Variants in CREB5 observed in about 807,000 individuals in gnomAD.
CREB5 encodes the protein cAMP responsive element binding protein 5.
In CREB5, 19 loss-of-function variants were observed where a neutral mutation model predicts 57.1. That is an observed-to-expected ratio of 0.33 (90% CI 0.23 to 0.49). The LOEUF (loss-of-function observed/expected upper bound fraction) is 0.49. Ranked by LOEUF, CREB5 falls within the 20% of genes least tolerant of loss-of-function variation. The probability of loss-of-function intolerance (pLI) is 0.99; values close to 1 mark genes in which losing one functional copy is unlikely to be tolerated. For missense variants in CREB5, 579 were observed against 671.6 expected, an observed-to-expected ratio of 0.86 and a Z score of 1.52; for synonymous variants, 238 against 238.3, an observed-to-expected ratio of 1.00 and a Z score of 0.01.
intron 1 of CREB5, among the ~76,000 whole-genome samples, chr7:28,311,780 C>G (rs1583662468): frequency 6.6e-6 from 1 of 152,284 alleles, no homozygotes; most frequent in East Asian, 1.9e-4. Context: ...CATTGAAGAC[C>G]CTGACTAAAC....
At chr7:28,792,571 T>C (rs1486524468) in intron 7 of CREB5, among the ~76,000 whole-genome samples, 2 of 152,216 alleles carry the variant, frequency 1.3e-5, no homozygotes, top group African/African-American at 2.4e-5. Flanking sequence ...TAAGCGTAAC[T>C]TTCTAGACAC....
chr7:28,731,761 CA>C (rs1161649107), intron 7 of CREB5, among the ~76,000 whole-genome samples: 1 of 152,188 alleles, frequency 6.6e-6, no homozygotes, highest in African/African-American at 2.4e-5. Context: ...GCGAAGTACA[CA>C]GGGGTGAAAG....
chr7:28,730,655 G>A (rs937778956), intron 7 of CREB5, among the ~76,000 whole-genome samples: 1 of 152,112 alleles, frequency 6.6e-6, no homozygotes, highest in Non-Finnish European at 1.5e-5. Flanking sequence ...TATCCTGTGA[G>A]TTTACATTAG....
chr7:28,488,135 G>T (rs781681194), intron 1 of CREB5, 40 bp from the exon 2 acceptor site: 8 of 1,584,296 alleles, frequency 5.0e-6, no homozygotes, highest in African/African-American at 1.3e-5. Flanking sequence ...GATATTCATG[G>T]ATTTCTTTTT....
intron 1 of CREB5, among the ~76,000 whole-genome samples, chr7:28,437,823 A>T (rs1789020911): frequency 6.6e-6 from 1 of 152,172 alleles, no homozygotes; most frequent in South Asian, 2.1e-4. Flanking sequence ...CACTTGAAGG[A>T]TTAACATTTT....
At chr7:28,400,701 G>A (rs10233653) in intron 1 of CREB5, among the ~76,000 whole-genome samples, 46,507 of 152,028 alleles carry the variant, frequency 0.31, 8,056 homozygotes, top group Middle Eastern at 0.42. Context: ...ATGTAAGAAC[G>A]AGGAGGAATC....
intron 4 of CREB5, among the ~76,000 whole-genome samples, chr7:28,567,544 G>A (rs1005498049): frequency 5.9e-5 from 9 of 152,332 alleles, no homozygotes; most frequent in Admixed American, 3.9e-4. Flanking sequence ...TGGGCTTACC[G>A]TCTAGGGGAG....
At chr7:28,737,540 TATATA>T (rs2128754591) in intron 7 of CREB5, among the ~76,000 whole-genome samples, 1 of 4,398 alleles carries the variant, frequency 2.3e-4, no homozygotes, top group South Asian at 6.6e-3. Flanking sequence ...TATATATACG[TATATA>T]TATATATATA....
chr7:28,358,374 G>A (rs1302142708), intron 1 of CREB5, among the ~76,000 whole-genome samples: 2 of 152,210 alleles, frequency 1.3e-5, no homozygotes, highest in Non-Finnish European at 1.5e-5. Flanking sequence ...GGCAGCTGCT[G>A]TGTCTCTGGG....
chr7:28,683,658 T>A (rs1435057761), intron 5 of CREB5, among the ~76,000 whole-genome samples: 1 of 152,168 alleles, frequency 6.6e-6, no homozygotes, highest in Non-Finnish European at 1.5e-5. Flanking sequence ...GCAGAAGCAA[T>A]GATGCTGGCG....
At chr7:28,605,168 T>C (rs1797083022) in intron 5 of CREB5, among the ~76,000 whole-genome samples, 1 of 152,220 alleles carries the variant, frequency 6.6e-6, no homozygotes, top group Non-Finnish European at 1.5e-5. Context: ...ACCATGTCTA[T>C]AAAGAACTGG....
intron 5 of CREB5, among the ~76,000 whole-genome samples, chr7:28,680,749 A>G (rs954247668): frequency 6.8e-6 from 1 of 147,062 alleles, no homozygotes; most frequent in Admixed American, 6.9e-5. Context: ...ACAGAACAAG[A>G]CACTGTATCA....
intron 3 of CREB5, among the ~76,000 whole-genome samples, chr7:28,502,165 T>G (rs1272403198): frequency 1.3e-5 from 2 of 152,196 alleles, no homozygotes; most frequent in Non-Finnish European, 2.9e-5. Context: ...TCCTATTATA[T>G]ATTCACACTC....
chr7:28,319,268 G>C (rs1040487760), intron 1 of CREB5, among the ~76,000 whole-genome samples: 1 of 151,764 alleles, frequency 6.6e-6, no homozygotes, highest in Non-Finnish European at 1.5e-5. Context: ...CACTAGTAAG[G>C]GCAAAAAGGG....
chr7:28,796,442 C>A (rs1302184257), intron 7 of CREB5, among the ~76,000 whole-genome samples: 1 of 152,108 alleles, frequency 6.6e-6, no homozygotes, highest in Admixed American at 6.5e-5. Flanking sequence ...TCACCCCTAC[C>A]CACCCACTCC....
chr7:28,533,343 A>T (rs1793813175), intron 4 of CREB5, among the ~76,000 whole-genome samples: 1 of 152,202 alleles, frequency 6.6e-6, no homozygotes, highest in African/African-American at 2.4e-5. Context: ...AGGGAAAAAA[A>T]GTAATTGTCC....
intron 1 of CREB5, among the ~76,000 whole-genome samples, chr7:28,456,288 A>G (rs967924078): frequency 6.6e-6 from 1 of 152,196 alleles, no homozygotes; most frequent in African/African-American, 2.4e-5. Context: ...GCAAGTTACA[A>G]ATCTGTGGCT....
In CREB5 at chr7:28,758,655, T is replaced by C. The variant is rs147176083; in HGVS notation, c.702+34323T>C. 3.3e-4 allele frequency among the ~76,000 whole-genome samples: 51 copies of C among 152,308 alleles called. 1 individual carries two copies. The East Asian group carries it at 7.5e-3, about 23-fold the overall frequency. ...AGTAAAGATTGATTAAACATGTTTA[T>C]ATGCAATTTGAAAATGGTTCTTTCA... On this transcript the variant is annotated intron_variant, in intron 7 of 10. Coordinates refer to ENST00000357727, the MANE Select transcript of CREB5 (RefSeq NM_182898.4).
intron 5 of CREB5, among the ~76,000 whole-genome samples, chr7:28,676,931 T>C (rs554116820): frequency 1.8e-4 from 28 of 152,200 alleles, no homozygotes; most frequent in Non-Finnish European, 3.1e-4. Flanking sequence ...AATCTTATCA[T>C]GGGTCCTGGA....
Sources: gnomAD v4.1 joint callset for allele counts (sites outside exome capture counted in the v4.1 genomes callset) on GRCh38, gnomAD v4.1.1 for gene constraint, MANE v1.5 for transcripts, NCBI Gene and HGNC (gene_info 2026-07-23, HGNC 2026-07-21) for gene names.